PCSK5: variants seen among roughly 807,000 people sequenced by gnomAD.
PCSK5 encodes the protein prohormone convertase 5.
PCSK5 carries 129 observed loss-of-function variants against 233.2 expected under a neutral mutation model. That is an observed-to-expected ratio of 0.55 (90% CI 0.48 to 0.64). The LOEUF (loss-of-function observed/expected upper bound fraction) is 0.64, where lower values mean the gene tolerates loss of function less well. PCSK5 is among the 30% of genes least tolerant of loss of function. The pLI, the probability that PCSK5 is intolerant of heterozygous loss-of-function variation, is 0.00. For synonymous variants in PCSK5, 825 were observed against 879.2 expected (o/e 0.94, Z 1.09); for missense variants, 2,076 against 2,430.1 (o/e 0.85, Z 3.06).
At chr9:76,158,914 G>A (rs1587699486) in intron 11 of PCSK5, 69 bp from the exon 12 acceptor site, 1 of 1,265,612 alleles carries the variant, frequency 7.9e-7, no homozygotes, top group Admixed American at 1.8e-5. Flanking sequence ...TTTATTCCAT[G>A]CCTCCAGGTT....
At chr9:76,139,485 C>T (rs1290573417) in intron 10 of PCSK5, among the ~76,000 whole-genome samples, 1 of 152,022 alleles carries the variant, frequency 6.6e-6, no homozygotes, top group Non-Finnish European at 1.5e-5. Flanking sequence ...CTCATCTGGT[C>T]AGTGTCTGAG....
At chr9:76,265,044 G>A (rs1198236142) in intron 24 of PCSK5, among the ~76,000 whole-genome samples, 2 of 151,896 alleles carry the variant, frequency 1.3e-5, no homozygotes, top group Admixed American at 6.6e-5. Context: ...AAGAAAATGT[G>A]GTACATATAT....
At chr9:76,149,821 A>T (rs903294865) in intron 10 of PCSK5, among the ~76,000 whole-genome samples, 12 of 152,202 alleles carry the variant, frequency 7.9e-5, no homozygotes, top group Non-Finnish European at 1.6e-4. Flanking sequence ...TCTTAAGCAA[A>T]TTACTTGCCT....
chr9:76,258,321 G>A (rs1401520836), intron 24 of PCSK5, among the ~76,000 whole-genome samples: 1 of 152,148 alleles, frequency 6.6e-6, no homozygotes, highest in African/African-American at 2.4e-5. Flanking sequence ...AAAAATATAG[G>A]CTCCAGATTA....
intron 7 of PCSK5, among the ~76,000 whole-genome samples, chr9:76,090,929 G>T (rs1235441828): frequency 6.6e-6 from 1 of 151,832 alleles, no homozygotes; most frequent in South Asian, 2.1e-4. Context: ...AGATTCTCGT[G>T]AGAAGCAGGA....
At chr9:76,355,273 A>C (rs60612492) in intron 37 of PCSK5, among the ~76,000 whole-genome samples, 34,198 of 152,016 alleles carry the variant, frequency 0.22, 4,564 homozygotes, top group Non-Finnish European at 0.3. Flanking sequence ...GAGATCGAGA[A>C]CGTCCTGGCT....
At chr9:76,101,737 C>T (rs933217023) in intron 8 of PCSK5, among the ~76,000 whole-genome samples, 1 of 152,166 alleles carries the variant, frequency 6.6e-6, no homozygotes, top group Non-Finnish European at 1.5e-5. Flanking sequence ...AACAAAGTTG[C>T]TGCCTGGGGT....
At chr9:76,182,416 G>T (rs988750782) in intron 16 of PCSK5, among the ~76,000 whole-genome samples, 15 of 152,146 alleles carry the variant, frequency 9.9e-5, no homozygotes, top group African/African-American at 3.4e-4. Context: ...AGATGATCAG[G>T]TACTGTAGTC....
intron 3 of PCSK5, among the ~76,000 whole-genome samples, chr9:76,010,121 A>G (rs1827669248): frequency 6.6e-6 from 1 of 152,188 alleles, no homozygotes; most frequent in Non-Finnish European, 1.5e-5. Flanking sequence ...GAGGGATATC[A>G]TACAAGGAGC....
At chr9:76,154,456 A>C (rs1223508927) in intron 10 of PCSK5, among the ~76,000 whole-genome samples, 1 of 152,198 alleles carries the variant, frequency 6.6e-6, no homozygotes, top group East Asian at 1.9e-4. Flanking sequence ...GAGTGAAAAC[A>C]GGAGCCAGAG....
chr9:75,964,409 A>G (rs1825488128), intron 2 of PCSK5, among the ~76,000 whole-genome samples: 1 of 152,142 alleles, frequency 6.6e-6, no homozygotes, highest in Non-Finnish European at 1.5e-5. Flanking sequence ...AGTATTCTAG[A>G]ACCCTCTTTC....
chr9:76,146,709 GAGT>G (rs1417935385), intron 10 of PCSK5, among the ~76,000 whole-genome samples: 1 of 151,996 alleles, frequency 6.6e-6, no homozygotes, highest in Non-Finnish European at 1.5e-5. Flanking sequence ...TGATTGATTT[GAGT>G]ACCTTAGTGG....
intron 37 of PCSK5, among the ~76,000 whole-genome samples, chr9:76,357,989 A>G (rs1032515203): frequency 6.6e-6 from 1 of 152,180 alleles, no homozygotes; most frequent in Non-Finnish European, 1.5e-5. Flanking sequence ...GCAATAACTA[A>G]AGCTTAGTCC....
chr9:75,939,711 C>G (rs1374517556), intron 2 of PCSK5, among the ~76,000 whole-genome samples: 1 of 152,218 alleles, frequency 6.6e-6, no homozygotes, highest in Non-Finnish European at 1.5e-5. Context: ...GACACCCATG[C>G]GCTATGCATA....
intron 21 of PCSK5, among the ~76,000 whole-genome samples, chr9:76,232,472 A>G (rs924757630): frequency 6.6e-6 from 1 of 152,212 alleles, no homozygotes; most frequent in African/African-American, 2.4e-5. Flanking sequence ...GTCACTGAGC[A>G]GCGGATCTCA....
At chr9:76,130,290 G>A (rs1192911542) in intron 9 of PCSK5, among the ~76,000 whole-genome samples, 5 of 152,226 alleles carry the variant, frequency 3.3e-5, no homozygotes, top group South Asian at 2.1e-4. Context: ...ATGAGGACGC[G>A]ACGTGCCATA....
At chr9:76,218,437 T>G (rs1825614811) in intron 20 of PCSK5, among the ~76,000 whole-genome samples, 1 of 152,126 alleles carries the variant, frequency 6.6e-6, no homozygotes, top group South Asian at 2.1e-4. Flanking sequence ...AAAAGCACAA[T>G]TTGGGATCCA....
chr9:75,918,767 G>A (rs1174428115), intron 1 of PCSK5, among the ~76,000 whole-genome samples: 1 of 152,276 alleles, frequency 6.6e-6, no homozygotes, highest in East Asian at 1.9e-4. Flanking sequence ...TGATTCTCAA[G>A]GTTGCTTTTT....
At chr9:76,039,445 A>G (rs1829002875) in intron 5 of PCSK5, among the ~76,000 whole-genome samples, 1 of 152,218 alleles carries the variant, frequency 6.6e-6, no homozygotes, top group South Asian at 2.1e-4. Context: ...TTTCTCAAAT[A>G]CATTTGGATA....
Sources: gnomAD v4.1 joint callset for allele counts (sites outside exome capture counted in the v4.1 genomes callset) on GRCh38, gnomAD v4.1.1 for gene constraint, MANE v1.5 for transcripts, NCBI Gene and HGNC (gene_info 2026-07-23, HGNC 2026-07-21) for gene names.